Variants in TRIOBP observed in about 807,000 individuals in gnomAD.
TRIOBP encodes TRIO and F-actin-binding protein.
A neutral mutation model predicts 238.8 loss-of-function variants in TRIOBP; 169 were observed. The ratio of observed to expected loss-of-function variants is 0.71; its 90% CI spans 0.62 to 0.80. The LOEUF (loss-of-function observed/expected upper bound fraction) is 0.80, where lower values mean the gene tolerates loss of function less well. Ranked by LOEUF, TRIOBP falls within the 30% of genes least tolerant of loss-of-function variation. TRIOBP has a pLI of 0.00. For missense variants in TRIOBP, 2,838 were observed against 3,122.6 expected, an observed-to-expected ratio of 0.91 and a Z score of 2.17; for synonymous variants, 1,150 against 1,274.4, an observed-to-expected ratio of 0.90 and a Z score of 2.08.
chr22:37,762,252 G>C (rs1471130608), intron 17 of TRIOBP, among the ~76,000 whole-genome samples: 1 of 152,096 alleles, frequency 6.6e-6, no homozygotes, highest in Non-Finnish European at 1.5e-5. Context: ...TTTTTGTAGA[G>C]ACAAGGTCTC....
intron 21 of TRIOBP, among the ~76,000 whole-genome samples, chr22:37,769,829 A>C (rs1426992926): frequency 6.6e-6 from 1 of 151,828 alleles, no homozygotes; most frequent in African/African-American, 2.4e-5. Context: ...CCCTGGTTCA[A>C]GCGATTCTCC....
rs1555895416 is a variant in TRIOBP, at chr22:37,719,988, T to TCACACTGCACTCACTGTTTCACTCATCC, written c.629-3196_629-3195insACACTGCACTCACTGTTTCACTCATCCC. On this transcript the variant is annotated intron_variant, in intron 6 of 23. Transcript: ENST00000644935. ...CACACTGCACTCACTGTTTCACTCA[T>TCACACTGCACTCACTGTTTCACTCATCC]CCCCCCCCGCCCTTTTTTTTTTTTT... is the stretch of plus-strand genomic sequence containing the variant. Among the ~76,000 whole-genome samples the TCACACTGCACTCACTGTTTCACTCATCC allele has an allele frequency of 2.9e-3, 91 of 30,884 alleles. 4 individuals are homozygous for TCACACTGCACTCACTGTTTCACTCATCC. The highest frequency in any genetic ancestry group is 9.1e-3 in the African/African-American group (75 of 8,258). 20.3% of individuals were successfully genotyped at this position (30,884 alleles called of 152,430 possible).
intron 11 of TRIOBP, among the ~76,000 whole-genome samples, chr22:37,745,687 C>A (rs1925187096): frequency 6.6e-6 from 1 of 152,204 alleles, no homozygotes; most frequent in African/African-American, 2.4e-5. Flanking sequence ...CGGCTCACCC[C>A]TCTGAGCCTC....
In TRIOBP at chr22:37,735,266, C is replaced by T. The variant is rs776333995; in HGVS notation, c.4930C>T (p.Pro1644Ser). 1.2e-6 allele frequency: 2 copies of T among 1,609,006 alleles called. No homozygotes were observed. Among genetic ancestry groups the T allele is most frequent in the Non-Finnish European group, 8.5e-7 (1 of 1,176,464 alleles). ...AEATPVNGHSPALQSQSPVQL... is the reference protein window; with the variant it reads ...AEATPVNGHSSALQSQSPVQL... ...GGCCACCCCAGTCAATGGACACAGC[C>T]CCGCACTGCAGTCCCAGAGCCCGGT... The change falls in exon 9 of 24, where the codon CCC becomes TCC. Residue 1644 changes from proline (P) to serine (S), a missense_variant. Around this residue, in one of 5 missense-constraint regions of TRIOBP, gnomAD observed 2,096 missense variants for 2,137.4 expected, o/e 0.98. Transcript: ENST00000644935.
chr22:37,698,633 G>C (rs1325784123), intron 2 of TRIOBP, among the ~76,000 whole-genome samples: 1 of 151,882 alleles, frequency 6.6e-6, no homozygotes, highest in Admixed American at 6.6e-5. Flanking sequence ...GATTATAGGC[G>C]TGAGCCACCG....
chr22:37,745,986 G>GGGCC (rs905539362), intron 11 of TRIOBP, among the ~76,000 whole-genome samples: 1 of 149,028 alleles, frequency 6.7e-6, no homozygotes, highest in African/African-American at 2.5e-5. Context: ...CCCGCGGCCC[G>GGGCC]GGCCCGCCCG....
At position 37,735,024 on chromosome 22, in the gene TRIOBP, T is replaced by C. The variant is rs1924603613; in HGVS notation, c.4688T>C (p.Leu1563Pro). The C allele has an allele frequency of 6.2e-7, 1 of 1,610,198 alleles. No individual in the cohort carries two copies. The highest frequency in any genetic ancestry group is 8.5e-7 in the Non-Finnish European group (1 of 1,177,382). ...CCCGAGCTTGACTGGAGGGATCTGC[T>C]TGGCCTTCTCCGGGCACCAGGAGAG... ...RRPELDWRDLLGLLRAPGEGV... is the reference protein window; with the variant it reads ...RRPELDWRDLPGLLRAPGEGV... Residue 1563 changes from leucine to proline, a missense_variant, in exon 9 of 24, where the codon CTT (leucine) becomes CCT (proline). Around this residue, in one of 5 missense-constraint regions of TRIOBP, gnomAD observed 2,096 missense variants for 2,137.4 expected, o/e 0.98. Coordinates refer to ENST00000644935, the MANE Select transcript of TRIOBP (RefSeq NM_001039141.3).
chr22:37,735,749 G>A (rs1245521761), intron 9 of TRIOBP, among the ~76,000 whole-genome samples: 1 of 152,204 alleles, frequency 6.6e-6, no homozygotes, highest in Non-Finnish European at 1.5e-5. Context: ...AAACTGATGC[G>A]CAGGGTGAAG....
intron 17 of TRIOBP, among the ~76,000 whole-genome samples, chr22:37,761,067 G>A (rs748350757): frequency 2.6e-5 from 4 of 152,168 alleles, no homozygotes; most frequent in Admixed American, 6.5e-5. Context: ...GTCACGTCAT[G>A]AGGGGGCTCT....
chr22:37,761,900 C>A (rs1244554404), intron 17 of TRIOBP, among the ~76,000 whole-genome samples: 1 of 151,698 alleles, frequency 6.6e-6, no homozygotes, highest in African/African-American at 2.4e-5. Flanking sequence ...GAGCTGGGGG[C>A]CCAACACCCC....
chr22:37,769,172 G>T lies in TRIOBP; in HGVS notation c.6720G>T (p.Leu2240=), dbSNP rs1926642631. The part of the protein sequence containing the change: ...LRRCQQEGQE[L]LRHNQELHGR... ...GCTGCCAGCAGGAGGGCCAGGAGCT[G>T]CTGCGCCACAACCAGGTGGGCCTGG... The change falls in exon 20 of 24, where the codon CTG becomes CTT. Residue 2240 remains leucine, a synonymous_variant. Transcript: ENST00000644935. 5.6e-6 allele frequency: 9 copies of T among 1,609,094 alleles called. No homozygotes were observed. Among genetic ancestry groups the T allele is most frequent in the Non-Finnish European group, 6.8e-6 (8 of 1,178,084 alleles).
chr22:37,758,665 C>T (rs1926076104), intron 16 of TRIOBP, among the ~76,000 whole-genome samples: 1 of 150,286 alleles, frequency 6.7e-6, no homozygotes, highest in South Asian at 2.1e-4. Flanking sequence ...GCAATAGAGC[C>T]CGACTTTGTC....
Position 37,712,293 on chromosome 22 carries a change from T to C in TRIOBP, c.255-917T>C, listed in dbSNP as rs1292806537. ...ACCTCAGCCTCCCGAGTAGCTGGGA[T>C]TCCAGGCATACACCACCACACCCGA... On this transcript the variant is annotated intron_variant, in intron 4 of 23. Coordinates refer to ENST00000644935, the MANE Select transcript of TRIOBP (RefSeq NM_001039141.3). Among the ~76,000 whole-genome samples the C allele has an allele frequency of 2.6e-5, 4 of 152,080 alleles. No individual in the cohort carries two copies. In the East Asian group the frequency reaches 7.7e-4, roughly 29 times the overall value.
intron 3 of TRIOBP, among the ~76,000 whole-genome samples, chr22:37,709,272 G>A (rs557629745): frequency 6.6e-6 from 1 of 152,356 alleles, no homozygotes; most frequent in East Asian, 1.9e-4. Flanking sequence ...TGGGCTCTGG[G>A]CTCCAGGGTC....
Position 37,724,869 on chromosome 22 carries a change from C to G in TRIOBP, c.2313C>G (p.Ser771=). 6.2e-7 allele frequency: 1 copy of G among 1,611,864 alleles called. No homozygotes were observed. The highest frequency in any genetic ancestry group is 2.2e-5 in the East Asian group (1 of 44,648). ...RTIQQENLRT[S]CTRQDNPRTS... Reference sequence around the variant, plus strand: ...TCCAACAAGAGAACCTCAGAACATCCTGTACCCGACAGGACAATCCCAGGA... The same window carrying G: ...TCCAACAAGAGAACCTCAGAACATCGTGTACCCGACAGGACAATCCCAGGA... Residue 771 remains serine (S), a synonymous_variant, in exon 7 of 24, where the codon TCC becomes TCG. Coordinates refer to ENST00000644935, the MANE Select transcript of TRIOBP (RefSeq NM_001039141.3).
At chr22:37,763,851 C>T (rs184488103) in intron 17 of TRIOBP, among the ~76,000 whole-genome samples, 3 of 152,294 alleles carry the variant, frequency 2.0e-5, no homozygotes, top group East Asian at 3.9e-4. Flanking sequence ...AGTCTTGCCG[C>T]GCTGCAGCCA....
chr22:37,744,248 G>T (rs1925105662), intron 11 of TRIOBP, among the ~76,000 whole-genome samples: 2 of 151,982 alleles, frequency 1.3e-5, no homozygotes, highest in Admixed American at 1.3e-4. Flanking sequence ...GACCTCAGGT[G>T]ATCCACCCGC....
Position 37,734,846 on chromosome 22 carries a change from A to G in TRIOBP, c.4510A>G (p.Arg1504Gly), listed in dbSNP as rs374991119. Residue 1504 changes from arginine (R) to glycine (G), a missense_variant, in exon 9 of 24, where the codon AGA becomes GGA. By Grantham distance (125) the Arg-to-Gly change is moderately radical (BLOSUM62 -2). This residue lies in a region of TRIOBP where 2,096 missense variants were observed against 2,137.4 expected (regional missense o/e 0.98). Transcript: ENST00000644935. ...WEEKPTHELP[R>G]ELGKRSPLTS... is the part of the protein sequence containing the mutation. ...GGAGAAGCCCACTCATGAGCTCCCC[A>G]GAGAACTAGGAAAGAGAAGCCCACT... 2.0e-4 allele frequency: 318 copies of G among 1,612,822 alleles called. No individual in the cohort carries two copies. The East Asian group carries it at 5.4e-3, about 27-fold the overall frequency.
At chr22:37,710,639 T>TC (rs1303991252) in intron 4 of TRIOBP, 73 bp downstream of exon 4, 1 of 1,537,142 alleles carries the variant, frequency 6.5e-7, no homozygotes, top group African/African-American at 1.4e-5. Context: ...TTGCACTCCT[T>TC]CCCCAAGGCA....
Sources: gnomAD v4.1 joint callset for allele counts (sites outside exome capture counted in the v4.1 genomes callset) on GRCh38, gnomAD v4.1.1 for gene constraint, gnomAD v4.1.1 regional missense constraint, MANE v1.5 for transcripts, NCBI Gene and HGNC (gene_info 2026-07-23, HGNC 2026-07-21) for gene names.